PTPRG: variants seen among roughly 807,000 people sequenced by gnomAD.
The protein encoded by PTPRG is receptor-type tyrosine-protein phosphatase gamma.
In PTPRG, 102 loss-of-function variants were observed where a neutral mutation model predicts 165.3. The observed-to-expected ratio is 0.62, with a 90% CI of 0.53 to 0.73. PTPRG has a LOEUF of 0.73. Among genes scored for constraint, PTPRG ranks in the 30% least tolerant of loss-of-function variants. The probability of loss-of-function intolerance (pLI) is 0.00; values close to 1 mark genes in which losing one functional copy is unlikely to be tolerated. For missense variants in PTPRG, 1,866 were observed against 1,861.4 expected (o/e 1.00, Z -0.05); for synonymous variants, 675 against 669.5 (o/e 1.01, Z -0.13).
chr3:62,269,283 T>A (rs1701982646), intron 20 of PTPRG, 114 bp downstream of exon 20: 4 of 1,125,466 alleles, frequency 3.6e-6, no homozygotes, highest in Non-Finnish European at 4.9e-6. Flanking sequence ...AAAGTATTTT[T>A]AAAACATTTT....
intron 2 of PTPRG, among the ~76,000 whole-genome samples, chr3:61,898,065 G>A (rs535814400): frequency 6.6e-6 from 1 of 151,952 alleles, no homozygotes; most frequent in Non-Finnish European, 1.5e-5. Flanking sequence ...TTATTTTAGT[G>A]GCTAGAACTT....
intron 1 of PTPRG, among the ~76,000 whole-genome samples, chr3:61,628,782 T>C (rs1575548853): frequency 1.3e-5 from 2 of 152,316 alleles, no homozygotes; most frequent in African/African-American, 4.8e-5. Flanking sequence ...CCCTGTGCCA[T>C]ACTGCTTATT....
At chr3:61,760,409 C>T (rs148160934) in intron 2 of PTPRG, among the ~76,000 whole-genome samples, 1 of 152,192 alleles carries the variant, frequency 6.6e-6, no homozygotes, top group East Asian at 1.9e-4. Context: ...TATTTTGGGA[C>T]CTTTTAAAAA....
intron 4 of PTPRG, among the ~76,000 whole-genome samples, chr3:62,005,713 T>C (rs1288311940): frequency 7.2e-6 from 1 of 139,480 alleles, no homozygotes; most frequent in African/African-American, 2.7e-5. Flanking sequence ...TTTTTTTTTT[T>C]TTTTTGAGAT....
rs547851868 is a variant in PTPRG, at chr3:61,951,891, G to A, written c.191-37734G>A. Among the ~76,000 whole-genome samples, 17 of 152,134 alleles carry A rather than the reference G, an allele frequency of 1.1e-4. No homozygotes were observed. In the East Asian group the frequency reaches 2.7e-3, roughly 24 times the overall value. On this transcript the variant is annotated intron_variant, in intron 2 of 29. Coordinates refer to ENST00000474889, the MANE Select transcript of PTPRG (RefSeq NM_002841.4). ...TCCCAGCACTTTGGGAGGCCGAGGC[G>A]GGCAGATCACGAGGTCAGGAGATCA...
At chr3:61,797,076 G>A (rs1347550090) in intron 2 of PTPRG, among the ~76,000 whole-genome samples, 1 of 152,170 alleles carries the variant, frequency 6.6e-6, no homozygotes, top group Non-Finnish European at 1.5e-5. Context: ...GTTGTTAGAG[G>A]CCAGCCGGCA....
chr3:62,191,217 CGT>C (rs1325825910), intron 8 of PTPRG, among the ~76,000 whole-genome samples: 6 of 149,036 alleles, frequency 4.0e-5, no homozygotes, highest in Admixed American at 2.7e-4. Flanking sequence ...GTCCCGTGCA[CGT>C]GTGTGTGCAT....
intron 2 of PTPRG, among the ~76,000 whole-genome samples, chr3:61,912,659 G>A (rs1372907922): frequency 6.6e-6 from 1 of 152,168 alleles, no homozygotes. Context: ...AATCTGCATA[G>A]TTTTGATATT....
intron 1 of PTPRG, among the ~76,000 whole-genome samples, chr3:61,617,737 C>T (rs1413507808): frequency 6.6e-6 from 1 of 152,220 alleles, no homozygotes; most frequent in East Asian, 1.9e-4. Context: ...AAGGAGTCCT[C>T]ACACAGTGGA....
In PTPRG at chr3:61,938,767, G is replaced by T. The variant is rs142733904; in HGVS notation, c.191-50858G>T. 2.6e-5 allele frequency among the ~76,000 whole-genome samples: 4 copies of T among 152,204 alleles called. No homozygotes were observed. In the East Asian group the frequency reaches 5.8e-4, roughly 22 times the overall value. ...GAAAATGAAAATTTTCATTATAGTT[G>T]TCTTTTTTTCTAGGAGAAATTAACA... On this transcript the variant is annotated intron_variant, in intron 2 of 29. Transcript: ENST00000474889.
At chr3:61,690,781 T>C (rs1408324016) in intron 1 of PTPRG, among the ~76,000 whole-genome samples, 1 of 152,198 alleles carries the variant, frequency 6.6e-6, no homozygotes, top group Admixed American at 6.5e-5. Context: ...TTTTTGGTTT[T>C]TGGGCTTGTG....
At position 61,853,954 on chromosome 3, in the gene PTPRG, C is replaced by A. The variant is rs1575723928; in HGVS notation, c.190+104972C>A. 2.0e-5 allele frequency among the ~76,000 whole-genome samples: 3 copies of A among 152,284 alleles called. No homozygotes were observed. In the South Asian group the frequency reaches 6.2e-4, roughly 32 times the overall value. On this transcript the variant is annotated intron_variant, in intron 2 of 29. Coordinates refer to ENST00000474889, the MANE Select transcript of PTPRG (RefSeq NM_002841.4). ...GCCATGGCCATCTAATGAAAGTCTCCTGTGCTTTACTTCAAATGGCCACAT... is the reference window on the plus strand; with the variant it reads ...GCCATGGCCATCTAATGAAAGTCTCATGTGCTTTACTTCAAATGGCCACAT...
At chr3:62,188,668 A>G (rs1017216703) in intron 8 of PTPRG, among the ~76,000 whole-genome samples, 6 of 152,228 alleles carry the variant, frequency 3.9e-5, no homozygotes, top group Non-Finnish European at 8.8e-5. Context: ...GAATGGTTGC[A>G]TCTGTATGTG....
intron 2 of PTPRG, among the ~76,000 whole-genome samples, chr3:61,848,127 T>G (rs1276137744): frequency 6.6e-6 from 1 of 152,258 alleles, no homozygotes; most frequent in African/African-American, 2.4e-5. Flanking sequence ...GCAATTCTCA[T>G]GCACACTTTG....
At chr3:61,585,893 C>A (rs1266355810) in intron 1 of PTPRG, among the ~76,000 whole-genome samples, 1 of 152,194 alleles carries the variant, frequency 6.6e-6, no homozygotes, top group Non-Finnish European at 1.5e-5. Flanking sequence ...TCTTTTCTCT[C>A]AAACCTGTTT....
chr3:61,834,920 A>G (rs1172708174), intron 2 of PTPRG, among the ~76,000 whole-genome samples: 1 of 152,206 alleles, frequency 6.6e-6, no homozygotes, highest in Admixed American at 6.5e-5. Flanking sequence ...CAGAAATTAG[A>G]CAATTGAATT....
At chr3:61,810,114 T>G (rs1343662679) in intron 2 of PTPRG, among the ~76,000 whole-genome samples, 1 of 152,178 alleles carries the variant, frequency 6.6e-6, no homozygotes, top group Non-Finnish European at 1.5e-5. Context: ...CAGTGATACT[T>G]GCAACTGTGA....
chr3:62,153,380 G>A (rs1704413020), intron 6 of PTPRG, among the ~76,000 whole-genome samples: 1 of 152,224 alleles, frequency 6.6e-6, no homozygotes, highest in Non-Finnish European at 1.5e-5. Flanking sequence ...TTTTACAGAT[G>A]ATGGAAGTAG....
At chr3:62,141,126 A>G (rs977486452) in intron 6 of PTPRG, among the ~76,000 whole-genome samples, 1 of 152,198 alleles carries the variant, frequency 6.6e-6, no homozygotes, top group Non-Finnish European at 1.5e-5. Flanking sequence ...CCAAATAGTC[A>G]AATATTAAAA....
Sources: allele counts gnomAD v4.1 joint callset (sites outside exome capture counted in the v4.1 genomes callset), GRCh38; gene constraint gnomAD v4.1.1; transcripts MANE v1.5; gene names NCBI Gene and HGNC (gene_info 2026-07-23, HGNC 2026-07-21).